The following TPTE2 variants were observed in gnomAD, a reference collection of about 807,000 sequenced individuals.
TPTE2 encodes the protein phosphatidylinositol 3,4,5-trisphosphate 3-phosphatase TPTE2.
TPTE2 carries 53 observed loss-of-function variants against 78.6 expected under a neutral mutation model. The observed-to-expected ratio is 0.67, with a 90% CI of 0.54 to 0.85. The LOEUF is 0.85. TPTE2 is among the 40% of genes least tolerant of loss of function. TPTE2 has a pLI of 0.00. For missense variants in TPTE2, 461 were observed against 623.0 expected (o/e 0.74, Z 2.77); for synonymous variants, 175 against 206.2 (o/e 0.85, Z 1.30).
At position 19,467,154 on chromosome 13, in the gene TPTE2, T is replaced by C. The variant is rs559502896; in HGVS notation, c.512+71A>G. Reference sequence around the variant, plus strand: ...AACATTTGAAGTTGAAAAGATTATATAGAATAAAAGCCACAGAAAATGCTA... The same window carrying C: ...AACATTTGAAGTTGAAAAGATTATACAGAATAAAAGCCACAGAAAATGCTA... On this transcript the variant is annotated intron_variant, in intron 7 of 19. Transcript: ENST00000400230. 376 of 1,422,052 alleles carry C rather than the reference T, an allele frequency of 2.6e-4. 1 individual carries two copies. In the African/African-American group the frequency reaches 4.1e-3, roughly 16 times the overall value. 88.1% of individuals were successfully genotyped at this position (1,422,052 alleles called of 1,614,324 possible).
chr13:19,497,944 G>A (rs974577086), intron 1 of TPTE2, among the ~76,000 whole-genome samples: 3 of 151,744 alleles, frequency 2.0e-5, no homozygotes, highest in African/African-American at 7.3e-5. Context: ...CCAATACAGA[G>A]AAGTGCTTAA....
At chr13:19,483,829 G>A (rs909975531) in intron 3 of TPTE2, among the ~76,000 whole-genome samples, 7 of 152,004 alleles carry the variant, frequency 4.6e-5, no homozygotes, top group African/African-American at 7.3e-5. Context: ...TGCACAATGT[G>A]CAGGTTTGTT....
chr13:19,549,249 A>G, the TPTE2 span, among the ~76,000 whole-genome samples: 2 of 152,188 alleles, frequency 1.3e-5, no homozygotes, highest in Non-Finnish European at 2.9e-5. Context: ...AAATATCTGC[A>G]AACTATGCAA....
chr13:19,470,256 A>C (rs1041261906), intron 6 of TPTE2, among the ~76,000 whole-genome samples: 5 of 152,168 alleles, frequency 3.3e-5, no homozygotes, highest in African/African-American at 1.2e-4. Flanking sequence ...GAATTTTATC[A>C]AATGCATTTT....
chr13:19,466,214 C>A (rs1218441868), intron 7 of TPTE2, among the ~76,000 whole-genome samples: 2 of 152,178 alleles, frequency 1.3e-5, no homozygotes, highest in African/African-American at 4.8e-5. Context: ...TGTTAAGCTG[C>A]AGATTGCTGG....
At chr13:19,426,451 C>A in exon 18 of TPTE2, 1 of 1,607,018 alleles carries the variant, frequency 6.2e-7, no homozygotes, top group Non-Finnish European at 8.5e-7. Context: ...ACTTTCACAT[C>A]ATCATACAGA....
exon 17 of TPTE2, chr13:19,430,504 C>A (rs372777846): frequency 1.3e-5 from 21 of 1,610,548 alleles, no homozygotes; most frequent in Non-Finnish European, 1.7e-5. Flanking sequence ...AAAAGACAAC[C>A]TTTTTCTCCA....
intron 1 of TPTE2, among the ~76,000 whole-genome samples, chr13:19,525,373 A>C (rs575163952): frequency 2.0e-4 from 31 of 152,200 alleles, no homozygotes; most frequent in Non-Finnish European, 3.4e-4. Flanking sequence ...AACAGGTTAG[A>C]GAACCCAGAA....
intron 1 of TPTE2, among the ~76,000 whole-genome samples, chr13:19,499,898 A>G (rs569334050): frequency 2.0e-5 from 3 of 149,174 alleles, no homozygotes; most frequent in Non-Finnish European, 4.4e-5. Context: ...TTGATAGACC[A>G]CTAGCAAGAC....
Position 19,438,154 on chromosome 13 carries a change from C to T in TPTE2, c.974-1G>A. 6.2e-7 allele frequency: 1 copy of T among 1,606,726 alleles called. No homozygotes were observed. The highest frequency in any genetic ancestry group is 8.5e-7 in the Non-Finnish European group (1 of 1,175,736). On this transcript the variant is annotated splice_acceptor_variant, in intron 13 of 19. Coordinates refer to ENST00000400230, the Ensembl canonical transcript of TPTE2. LOFTEE classifies it high-confidence loss of function. ...GCACAAACCATAGTCCCGGTTCTTC[C>T]TAGAAAAGAAAAGAAGTTAGTTCAA... is the stretch of plus-strand genomic sequence containing the variant.
intron 13 of TPTE2, among the ~76,000 whole-genome samples, chr13:19,439,177 A>T (rs1877323043): frequency 6.6e-6 from 1 of 152,268 alleles, no homozygotes; most frequent in East Asian, 1.9e-4. Flanking sequence ...TACTCAGGAA[A>T]TCAGCCCTTT....
At chr13:19,488,332 G>A (rs1880781470) in intron 3 of TPTE2, among the ~76,000 whole-genome samples, 1 of 152,204 alleles carries the variant, frequency 6.6e-6, no homozygotes, top group South Asian at 2.1e-4. Flanking sequence ...CCTAACAAGA[G>A]AATTGGCCTC....
rs144984068 is a variant in TPTE2 at position 19,527,252 on chromosome 13, A to G, written c.-44+9344T>C. Among the ~76,000 whole-genome samples the G allele has an allele frequency of 6.3e-3, 961 of 152,338 alleles. 12 individuals are homozygous for G. The highest frequency in any genetic ancestry group is 0.023 in the African/African-American group (937 of 41,576). On this transcript the variant is annotated intron_variant, in intron 1 of 17. Coordinates refer to the TPTE2 transcript ENST00000390680. ...AAGTTCTAATGTTCTATAGCAGAGT[A>G]GGGTGACTACAGTTAACAAAAATGT...
At chr13:19,556,354 A>G in the TPTE2 span, among the ~76,000 whole-genome samples, 1 of 152,226 alleles carries the variant, frequency 6.6e-6, no homozygotes, top group Non-Finnish European at 1.5e-5. Flanking sequence ...TTAAGATTTA[A>G]GATAACTAGT....
chr13:19,448,379 A>G (rs541557501), intron 13 of TPTE2, among the ~76,000 whole-genome samples: 4 of 152,314 alleles, frequency 2.6e-5, no homozygotes, highest in African/African-American at 7.2e-5. Flanking sequence ...TTTATAGAGT[A>G]AAGAGAGAAC....
At chr13:19,437,038 G>GACACACACACAC (rs376691875) in intron 14 of TPTE2, among the ~76,000 whole-genome samples, 17,737 of 145,774 alleles carry the variant, frequency 0.12, 1,420 homozygotes, top group Middle Eastern at 0.19. Flanking sequence ...AAACCTAGGA[G>GACACACACACAC]ACACACACAC....
intron 1 of TPTE2, among the ~76,000 whole-genome samples, chr13:19,502,861 A>G (rs1184558638): frequency 1.3e-5 from 2 of 151,534 alleles, no homozygotes; most frequent in Non-Finnish European, 2.9e-5. Flanking sequence ...AAAAAAAAAG[A>G]AGCTGCTTAC....
At chr13:19,556,133 A>G in the TPTE2 span, among the ~76,000 whole-genome samples, 1 of 152,042 alleles carries the variant, frequency 6.6e-6, no homozygotes, top group African/African-American at 2.4e-5. Context: ...TTTCCGATGC[A>G]CGCTTAACCA....
At chr13:19,536,035 G>A (rs1435806639) in intron 1 of TPTE2, among the ~76,000 whole-genome samples, 1 of 152,114 alleles carries the variant, frequency 6.6e-6, no homozygotes, top group African/African-American at 2.4e-5. Flanking sequence ...ACTAATTTCT[G>A]CTTCAAATCA....
Sources: gnomAD v4.1 joint callset for allele counts (sites outside exome capture counted in the v4.1 genomes callset) on GRCh38, gnomAD v4.1.1 for gene constraint, MANE v1.5 for transcripts, NCBI Gene and HGNC (gene_info 2026-07-23, HGNC 2026-07-21) for gene names.